Variants in ASTN2 observed in about 807,000 individuals in gnomAD.
The protein encoded by ASTN2 is astrotactin-2.
A neutral mutation model predicts 139.8 loss-of-function variants in ASTN2; 54 were observed. That is an observed-to-expected ratio of 0.39 (90% CI 0.31 to 0.48). The LOEUF is 0.48. Among genes scored for constraint, ASTN2 ranks in the 20% least tolerant of loss-of-function variants. The probability of loss-of-function intolerance (pLI) is 0.95; values close to 1 mark genes in which losing one functional copy is unlikely to be tolerated. For missense variants in ASTN2, 1,565 were observed against 1,725.1 expected (o/e 0.91, Z 1.64); for synonymous variants, 756 against 719.5 (o/e 1.05, Z -0.81).
chr9:116,937,383 C>T lies in ASTN2; in HGVS notation c.1889+37825G>A, dbSNP rs576946287. Among the ~76,000 whole-genome samples the T allele has an allele frequency of 7.2e-5, 11 of 152,306 alleles. No homozygotes were observed. In the South Asian group the frequency reaches 2.3e-3, roughly 32 times the overall value. ...TCCTGAACATGTTAGATATTGCATC[C>T]TCTTGGTCTTCTTCTGACTCTCACA... On this transcript the variant is annotated intron_variant, in intron 10 of 22. Coordinates refer to ENST00000313400, the MANE Select transcript of ASTN2 (RefSeq NM_001365068.1).
intron 19 of ASTN2, among the ~76,000 whole-genome samples, chr9:116,586,861 C>T (rs1217538091): frequency 2.0e-5 from 3 of 150,612 alleles, no homozygotes; most frequent in South Asian, 2.1e-4. Flanking sequence ...CACACACACA[C>T]GTATGTATAT....
At chr9:117,189,327 C>T (rs1283720602) in intron 3 of ASTN2, among the ~76,000 whole-genome samples, 1 of 152,094 alleles carries the variant, frequency 6.6e-6, no homozygotes. Context: ...AAGACAAAGG[C>T]ATGGGCTGGA....
chr9:116,954,775 A>G (rs1343600058), intron 10 of ASTN2, among the ~76,000 whole-genome samples: 1 of 152,194 alleles, frequency 6.6e-6, no homozygotes, highest in African/African-American at 2.4e-5. Flanking sequence ...TTTCACACCC[A>G]CCACTCTGAA....
chr9:116,644,805 A>G (rs2131904458), intron 17 of ASTN2, among the ~76,000 whole-genome samples: 1 of 152,328 alleles, frequency 6.6e-6, no homozygotes, highest in Non-Finnish European at 1.5e-5. Flanking sequence ...TTCAGGTCAC[A>G]GGATGCCTCT....
intron 1 of ASTN2, among the ~76,000 whole-genome samples, chr9:117,294,142 C>T (rs1208607784): frequency 6.6e-6 from 1 of 152,364 alleles, no homozygotes; most frequent in East Asian, 1.9e-4. Flanking sequence ...CTTAAGTTCA[C>T]TGGTGAATTT....
At chr9:117,293,840 T>C (rs573743272) in intron 1 of ASTN2, among the ~76,000 whole-genome samples, 79 of 152,360 alleles carry the variant, frequency 5.2e-4, no homozygotes, top group African/African-American at 1.9e-3. Flanking sequence ...GGCTGAAAGC[T>C]GCACTAGAAA....
chr9:117,333,956 A>C (rs931276074), intron 1 of ASTN2, among the ~76,000 whole-genome samples: 1 of 152,220 alleles, frequency 6.6e-6, no homozygotes, highest in Non-Finnish European at 1.5e-5. Context: ...GGCCTGGTGC[A>C]TGAAGAATAG....
intron 16 of ASTN2, among the ~76,000 whole-genome samples, chr9:116,692,837 C>T (rs764873959): frequency 6.6e-6 from 1 of 152,114 alleles, no homozygotes; most frequent in Non-Finnish European, 1.5e-5. Flanking sequence ...CTGCAACCTC[C>T]ACTTCCTGGT....
intron 7 of ASTN2, among the ~76,000 whole-genome samples, chr9:116,997,981 T>C (rs2132563263): frequency 6.6e-6 from 1 of 152,306 alleles, no homozygotes; most frequent in Non-Finnish European, 1.5e-5. Context: ...ATTAATCTGA[T>C]GAGAGAAATG....
intron 19 of ASTN2, among the ~76,000 whole-genome samples, chr9:116,567,731 G>A (rs1162483119): frequency 6.6e-6 from 1 of 151,684 alleles, no homozygotes; most frequent in Non-Finnish European, 1.5e-5. Context: ...AAGGAAGGAC[G>A]GTTGGCAGGC....
At chr9:117,022,571 C>T (rs1225221752) in intron 6 of ASTN2, among the ~76,000 whole-genome samples, 3 of 152,046 alleles carry the variant, frequency 2.0e-5, no homozygotes, top group Non-Finnish European at 2.9e-5. Context: ...TCAATGGCAA[C>T]GCACTGATTT....
At chr9:117,086,890 C>G (rs937535738) in intron 5 of ASTN2, among the ~76,000 whole-genome samples, 1 of 152,166 alleles carries the variant, frequency 6.6e-6, no homozygotes, top group African/African-American at 2.4e-5. Context: ...TGCCCCATAT[C>G]TTGGACACCA....
chr9:117,035,279 C>T (rs1459274615), intron 6 of ASTN2, among the ~76,000 whole-genome samples: 1 of 152,080 alleles, frequency 6.6e-6, no homozygotes, highest in Non-Finnish European at 1.5e-5. Flanking sequence ...TTTTTTAAAA[C>T]TTTGCCAGTT....
intron 19 of ASTN2, among the ~76,000 whole-genome samples, chr9:116,498,488 T>C (rs1849744480): frequency 6.6e-6 from 1 of 151,750 alleles, no homozygotes; most frequent in Admixed American, 6.6e-5. Flanking sequence ...GCCCTAGCTA[T>C]ATGAGAGGCT....
At position 116,509,768 on chromosome 9, in the gene ASTN2, A is replaced by T. The variant is rs553607003; in HGVS notation, c.3356-22268T>A. ...ATTTCTCTGATGGCTAGTGATGATG[A>T]GCATTTTTGCACGTGTCTGTAGGCT... On this transcript the variant is annotated intron_variant, in intron 19 of 22. Transcript: ENST00000313400. Among the ~76,000 whole-genome samples, 382 of 152,270 alleles carry T rather than the reference A, an allele frequency of 2.5e-3. 1 individual carries two copies. The highest frequency in any genetic ancestry group is 4.2e-3 in the Non-Finnish European group (288 of 68,026).
At chr9:116,428,975 A>G (rs557383166) in intron 22 of ASTN2, among the ~76,000 whole-genome samples, 1 of 152,304 alleles carries the variant, frequency 6.6e-6, no homozygotes, top group African/African-American at 2.4e-5. Context: ...ACAGGTTTGG[A>G]GCTGAACTGT....
At chr9:116,517,637 T>C (rs1404536196) in intron 19 of ASTN2, among the ~76,000 whole-genome samples, 1 of 152,182 alleles carries the variant, frequency 6.6e-6, no homozygotes, top group East Asian at 1.9e-4. Context: ...TCACCAGTAA[T>C]GGATCCAAAC....
chr9:116,889,662 G>A (rs912589594), intron 10 of ASTN2, among the ~76,000 whole-genome samples: 5 of 151,576 alleles, frequency 3.3e-5, no homozygotes. Context: ...GAGGCAGAAG[G>A]ATCACTTGAG....
chr9:116,509,022 A>T (rs910366376), intron 19 of ASTN2, among the ~76,000 whole-genome samples: 4 of 152,062 alleles, frequency 2.6e-5, no homozygotes, highest in Non-Finnish European at 4.4e-5. Context: ...TATATTTTTA[A>T]CTATAATTTA....
Sources: gnomAD v4.1 joint callset for allele counts (sites outside exome capture counted in the v4.1 genomes callset) on GRCh38, gnomAD v4.1.1 for gene constraint, MANE v1.5 for transcripts, NCBI Gene and HGNC (gene_info 2026-07-23, HGNC 2026-07-21) for gene names.